The following NLGN1 variants were observed in gnomAD, a reference collection of about 807,000 sequenced individuals.
NLGN1 encodes neuroligin-1.
A neutral mutation model predicts 65.5 loss-of-function variants in NLGN1; 12 were observed. That is an observed-to-expected ratio of 0.18 (90% CI 0.12 to 0.30). The LOEUF is 0.30. NLGN1 is among the 10% of genes least tolerant of loss of function. The probability of loss-of-function intolerance (pLI) is 1.00; values close to 1 mark genes in which losing one functional copy is unlikely to be tolerated. For synonymous variants in NLGN1, 350 were observed against 359.5 expected, an observed-to-expected ratio of 0.97 and a Z score of 0.30; for missense variants, 750 against 1,007.1, an observed-to-expected ratio of 0.74 and a Z score of 3.46.
intron 4 of NLGN1, among the ~76,000 whole-genome samples, chr3:173,941,490 G>C (rs1746081976): frequency 6.6e-6 from 1 of 151,890 alleles, no homozygotes; most frequent in Non-Finnish European, 1.5e-5. Flanking sequence ...CCAGTGGTTG[G>C]AAGCCTAAAA....
At chr3:174,230,772 G>T (rs933136863) in intron 4 of NLGN1, among the ~76,000 whole-genome samples, 12 of 151,812 alleles carry the variant, frequency 7.9e-5, no homozygotes, top group Admixed American at 7.9e-4. Flanking sequence ...TCTTTTTATG[G>T]ATAAATATTT....
chr3:173,397,098 G>T (rs984441921), upstream of NLGN1, among the ~76,000 whole-genome samples: 3 of 151,856 alleles, frequency 2.0e-5, no homozygotes, highest in Admixed American at 1.3e-4. Flanking sequence ...AAACTGGGTG[G>T]TTTTTTTTAA....
intron 2 of NLGN1, among the ~76,000 whole-genome samples, chr3:173,541,264 G>A (rs1738813655): frequency 6.6e-6 from 1 of 152,034 alleles, no homozygotes; most frequent in African/African-American, 2.4e-5. Context: ...AAGTATATGG[G>A]GGATGAAATA....
chr3:173,529,705 G>A (rs138930901), intron 2 of NLGN1, among the ~76,000 whole-genome samples: 1 of 152,276 alleles, frequency 6.6e-6, no homozygotes, highest in East Asian at 1.9e-4. Flanking sequence ...CGGTTTTGGG[G>A]TGGAACCTCT....
chr3:173,538,382 G>A (rs1446574531), intron 2 of NLGN1, among the ~76,000 whole-genome samples: 1 of 152,194 alleles, frequency 6.6e-6, no homozygotes, highest in Non-Finnish European at 1.5e-5. Flanking sequence ...CACTTCTTTT[G>A]CTGTGAAGTG....
At chr3:173,515,258 T>C (rs1169550953) in intron 2 of NLGN1, among the ~76,000 whole-genome samples, 1 of 152,194 alleles carries the variant, frequency 6.6e-6, no homozygotes, top group Admixed American at 6.5e-5. Context: ...TTAGTGATAT[T>C]GAGCATCTTT....
At chr3:173,746,758 C>G (rs1775444552) in intron 3 of NLGN1, among the ~76,000 whole-genome samples, 1 of 151,872 alleles carries the variant, frequency 6.6e-6, no homozygotes, top group African/African-American at 2.4e-5. Flanking sequence ...TCTTTTTATT[C>G]AATATAACAC....
At chr3:174,286,445 A>G (rs550913862) in exon 7 of NLGN1, 1 of 151,568 alleles carries the variant, frequency 6.6e-6, no homozygotes, top group Admixed American at 6.6e-5. Context: ...TCTAAACTAG[A>G]TGGTGTGTTT....
rs548463251 is a variant in NLGN1 at position 174,212,921 on chromosome 3, A to G, written c.647-62394A>G. 9.2e-5 allele frequency among the ~76,000 whole-genome samples: 14 copies of G among 152,278 alleles called. No individual in the cohort carries two copies. In the South Asian group the frequency reaches 2.9e-3, roughly 32 times the overall value. ...GCAAGGCTGGTCAGGTCCTTTTCAT[A>G]TCATACCGCTCTGACCTTCTCTTCT... is the stretch of plus-strand genomic sequence containing the variant. On this transcript the variant is annotated intron_variant, in intron 4 of 6. Coordinates refer to ENST00000457714, the Ensembl canonical transcript of NLGN1.
In NLGN1 at chr3:173,552,186, T is replaced by C. The variant is rs543127024; in HGVS notation, c.-320-52093T>C. ...ATTTATTTTCACCCTCATGAAAATG[T>C]GGAGAAATCTTTTTGATGGCTATAG... On this transcript the variant is annotated intron_variant, in intron 2 of 6. Coordinates refer to ENST00000457714, the Ensembl canonical transcript of NLGN1. Among the ~76,000 whole-genome samples the C allele has an allele frequency of 2.0e-5, 3 of 152,238 alleles. No homozygotes were observed. In the East Asian group the frequency reaches 5.8e-4, roughly 29 times the overall value.
At chr3:173,429,856 CT>C (rs1303820752) in intron 1 of NLGN1, among the ~76,000 whole-genome samples, 6 of 152,178 alleles carry the variant, frequency 3.9e-5, no homozygotes, top group African/African-American at 1.4e-4. Context: ...CACAGGGCCC[CT>C]GAAGTACCTC....
At chr3:173,733,130 T>G (rs141335412) in intron 3 of NLGN1, among the ~76,000 whole-genome samples, 2 of 152,156 alleles carry the variant, frequency 1.3e-5, no homozygotes, top group East Asian at 1.9e-4. Flanking sequence ...GTTTTAAAAA[T>G]CAGTAGTCTT....
chr3:173,650,859 T>C (rs1759052905), intron 3 of NLGN1, among the ~76,000 whole-genome samples: 1 of 152,176 alleles, frequency 6.6e-6, no homozygotes, highest in Non-Finnish European at 1.5e-5. Context: ...TATGCTTTTA[T>C]ATTTGGCAGG....
chr3:173,893,995 G>C (rs559625035), intron 4 of NLGN1, among the ~76,000 whole-genome samples: 9 of 152,176 alleles, frequency 5.9e-5, no homozygotes, highest in Admixed American at 5.9e-4. Flanking sequence ...CTGCCAGTTT[G>C]TCCAACTTTC....
chr3:173,445,260 T>C, intron 2 of NLGN1, among the ~76,000 whole-genome samples: 1 of 98,472 alleles, frequency 1.0e-5, no homozygotes, highest in Admixed American at 1.3e-4. Flanking sequence ...AGAGCGAGAC[T>C]CCGTCTCAAA....
chr3:174,081,571 A>G (rs1283730051), intron 4 of NLGN1, among the ~76,000 whole-genome samples: 1 of 150,716 alleles, frequency 6.6e-6, no homozygotes, highest in Non-Finnish European at 1.5e-5. Context: ...CCCACTTCCT[A>G]ATACCATCAA....
chr3:173,405,220 C>A (rs1157477318), intron 1 of NLGN1, among the ~76,000 whole-genome samples: 1 of 152,054 alleles, frequency 6.6e-6, no homozygotes, highest in Non-Finnish European at 1.5e-5. Context: ...CTGATACCTT[C>A]TGAATGATTT....
intron 4 of NLGN1, among the ~76,000 whole-genome samples, chr3:173,866,512 T>C (rs1412047064): frequency 6.6e-6 from 1 of 152,204 alleles, no homozygotes. Context: ...TGTTGAGAAA[T>C]TGGGCGTATG....
At chr3:174,130,730 G>C (rs1720013883) in intron 4 of NLGN1, among the ~76,000 whole-genome samples, 1 of 152,144 alleles carries the variant, frequency 6.6e-6, no homozygotes, top group Non-Finnish European at 1.5e-5. Context: ...TTCATTGGGA[G>C]AGTTACACTC....
Sources: allele counts gnomAD v4.1 joint callset (sites outside exome capture counted in the v4.1 genomes callset), GRCh38; gene constraint gnomAD v4.1.1; transcripts MANE v1.5; gene names NCBI Gene and HGNC (gene_info 2026-07-23, HGNC 2026-07-21).